The following PPP3CA variants were observed in gnomAD, a reference collection of about 807,000 sequenced individuals.
The protein encoded by PPP3CA is protein phosphatase 3 catalytic subunit alpha.
A neutral mutation model predicts 66.5 loss-of-function variants in PPP3CA; 14 were observed. That is an observed-to-expected ratio of 0.21 (90% CI 0.14 to 0.33). PPP3CA has a LOEUF of 0.33. Among genes scored for constraint, PPP3CA ranks in the 10% least tolerant of loss-of-function variants. The probability of loss-of-function intolerance (pLI) is 1.00; values close to 1 mark genes in which losing one functional copy is unlikely to be tolerated. For missense variants in PPP3CA, 317 were observed against 639.5 expected, an observed-to-expected ratio of 0.50 and a Z score of 5.44; for synonymous variants, 232 against 226.2, an observed-to-expected ratio of 1.03 and a Z score of -0.23.
At chr4:101,346,076 G>A (rs1325917304) in intron 1 of PPP3CA, among the ~76,000 whole-genome samples, 1 of 151,612 alleles carries the variant, frequency 6.6e-6, no homozygotes, top group Non-Finnish European at 1.5e-5. Flanking sequence ...CGCCCCCCGC[G>A]GCCACCCTCC....
chr4:101,309,603 G>C (rs1471200689), intron 1 of PPP3CA, among the ~76,000 whole-genome samples: 1 of 152,100 alleles, frequency 6.6e-6, no homozygotes, highest in African/African-American at 2.4e-5. Flanking sequence ...AAGATGTGCT[G>C]TTCTGCCTGA....
chr4:101,281,996 A>G (rs1727699230), intron 1 of PPP3CA, among the ~76,000 whole-genome samples: 1 of 152,208 alleles, frequency 6.6e-6, no homozygotes, highest in African/African-American at 2.4e-5. Context: ...AGCTTTCCAT[A>G]TCTACAAAAA....
intron 2 of PPP3CA, among the ~76,000 whole-genome samples, chr4:101,158,578 G>A (rs1723401164): frequency 6.6e-6 from 1 of 152,202 alleles, no homozygotes; most frequent in Admixed American, 6.5e-5. Context: ...GAAATCATGA[G>A]AGTAGTTAAA....
chr4:101,299,874 CAT>C (rs1728322307), intron 1 of PPP3CA, among the ~76,000 whole-genome samples: 1 of 152,218 alleles, frequency 6.6e-6, no homozygotes, highest in Non-Finnish European at 1.5e-5. Context: ...CAGCATGCCA[CAT>C]AGTCTTACAG....
intron 2 of PPP3CA, among the ~76,000 whole-genome samples, chr4:101,160,284 C>G: frequency 6.6e-6 from 1 of 152,108 alleles, no homozygotes; most frequent in East Asian, 1.9e-4. Flanking sequence ...ACAACGACCA[C>G]TGATATAAGT....
rs577348135 is a variant in PPP3CA at position 101,186,820 on chromosome 4, G to T, written c.259+9096C>A. On this transcript the variant is annotated intron_variant, in intron 2 of 13. Coordinates refer to ENST00000394854, the MANE Select transcript of PPP3CA (RefSeq NM_000944.5). ...TCCAAATTAATGGAGTTTTTATAAG[G>T]TGTCTATACTTCTAATCACCAAAAA... is the stretch of plus-strand genomic sequence containing the variant. 3.9e-5 allele frequency among the ~76,000 whole-genome samples: 6 copies of T among 152,164 alleles called. No individual in the cohort carries two copies. The East Asian group carries it at 1.2e-3, about 29-fold the overall frequency.
chr4:101,077,096 A>G (rs1729229095), intron 8 of PPP3CA, among the ~76,000 whole-genome samples: 1 of 152,226 alleles, frequency 6.6e-6, no homozygotes, highest in African/African-American at 2.4e-5. Flanking sequence ...GAATGAATTA[A>G]TGTGGGCTAT....
intron 1 of PPP3CA, among the ~76,000 whole-genome samples, chr4:101,224,948 A>G (rs959702685): frequency 6.6e-6 from 1 of 151,292 alleles, no homozygotes; most frequent in African/African-American, 2.4e-5. Flanking sequence ...TTTCCCACCT[A>G]TTTCACTCTG....
chr4:101,132,477 C>T (rs897826979), intron 2 of PPP3CA, among the ~76,000 whole-genome samples: 2 of 152,148 alleles, frequency 1.3e-5, no homozygotes, highest in African/African-American at 2.4e-5. Context: ...AACACCTCTA[C>T]ATGAATAAAC....
intron 3 of PPP3CA, among the ~76,000 whole-genome samples, chr4:101,106,450 A>AAAGAAAGAAAGAAAGAAAGAAGAGAAGAG (rs751759518): frequency 3.6e-4 from 4 of 11,094 alleles, no homozygotes; most frequent in Non-Finnish European, 5.2e-4. Flanking sequence ...AGAAAGAAAG[A>AAAGAAAGAAAGAAAGAAAGAAGAGAAGAG]AAGAGAAAAG....
At chr4:101,188,517 T>C (rs1039226221) in intron 2 of PPP3CA, among the ~76,000 whole-genome samples, 6 of 152,180 alleles carry the variant, frequency 3.9e-5, no homozygotes, top group Admixed American at 2.0e-4. Context: ...TTGCTATAAA[T>C]ATTATTTTCA....
At chr4:101,037,720 G>A (rs1314535536) in intron 11 of PPP3CA, among the ~76,000 whole-genome samples, 6 of 151,944 alleles carry the variant, frequency 3.9e-5, no homozygotes, top group Admixed American at 2.0e-4. Flanking sequence ...CTAATCTCAC[G>A]AAAATAATTC....
chr4:101,196,440 A>C (rs1313081598), intron 1 of PPP3CA, among the ~76,000 whole-genome samples: 2 of 152,220 alleles, frequency 1.3e-5, no homozygotes. Context: ...ACTCTGTGAA[A>C]GAAAATAGTT....
chr4:101,333,318 G>T (rs1729505963), intron 1 of PPP3CA, among the ~76,000 whole-genome samples: 1 of 87,966 alleles, frequency 1.1e-5, no homozygotes, highest in African/African-American at 4.5e-5. Context: ...TTGTAGAGAT[G>T]AGGTCTCACT....
chr4:101,025,820 CAAAAAAAAAAAAAAAAA>C lies in PPP3CA; in HGVS notation c.*28_*44del, dbSNP rs35434632. 1.0e-5 allele frequency: 5 copies of C among 478,986 alleles called. No homozygotes were observed. Among genetic ancestry groups the C allele is most frequent in the South Asian group, 2.8e-5 (1 of 35,478 alleles). The allele number at this position is 478,986 out of a possible 1,614,324, so 29.7% of individuals were successfully genotyped here. A position where few individuals can be genotyped will look rare whatever the true frequency, so the allele number is the denominator to read the frequency against. ...GCAATCCCCATCATGCCCCGCAGCT[CAAAAAAAAAAAAAAAAA>C]AAAAAAAAAAAAGTGAACAGGAAGT... On this transcript the variant is annotated 3_prime_UTR_variant, in exon 14 of 14. Coordinates refer to ENST00000394854, the MANE Select transcript of PPP3CA (RefSeq NM_000944.5).
rs190916186 is a variant in PPP3CA, at chr4:101,194,824, C to T, written c.259+1092G>A. Among the ~76,000 whole-genome samples the T allele has an allele frequency of 9.1e-4, 139 of 152,188 alleles. 3 individuals are homozygous for T. The East Asian group carries it at 0.026, about 28-fold the overall frequency. ...TCAAGTAATCCACCCACCTCGGCCT[C>T]CCAAAGTGCTGGGATTATAAGAGTT... On this transcript the variant is annotated intron_variant, in intron 2 of 13. Transcript: ENST00000394854.
intron 1 of PPP3CA, among the ~76,000 whole-genome samples, chr4:101,198,780 C>T (rs550762361): frequency 2.6e-4 from 40 of 152,302 alleles, no homozygotes; most frequent in African/African-American, 8.7e-4. Context: ...ATAACAGATG[C>T]TCCACCCTCC....
At chr4:101,176,504 C>G (rs1202095964) in intron 2 of PPP3CA, among the ~76,000 whole-genome samples, 7 of 152,150 alleles carry the variant, frequency 4.6e-5, no homozygotes, top group Non-Finnish European at 7.3e-5. Flanking sequence ...AGTGGCAGTG[C>G]CTGACTGCTC....
At chr4:101,066,201 T>C (rs905197230) in intron 8 of PPP3CA, among the ~76,000 whole-genome samples, 3 of 152,122 alleles carry the variant, frequency 2.0e-5, no homozygotes, top group Admixed American at 1.3e-4. Flanking sequence ...ATAGTATAAA[T>C]CATTCAGTGT....
Sources: gnomAD v4.1 joint callset for allele counts (sites outside exome capture counted in the v4.1 genomes callset) on GRCh38, gnomAD v4.1.1 for gene constraint, MANE v1.5 for transcripts, NCBI Gene and HGNC (gene_info 2026-07-23, HGNC 2026-07-21) for gene names.